VPS54: variants seen among roughly 807,000 people sequenced by gnomAD.
The protein encoded by VPS54 is VPS54 subunit of GARP complex.
Under a neutral mutation model 121.5 loss-of-function variants are expected in VPS54, and 45 were observed. The observed-to-expected ratio is 0.37, with a 90% CI of 0.29 to 0.47. The LOEUF is 0.47. Among genes scored for constraint, VPS54 ranks in the 20% least tolerant of loss-of-function variants. VPS54 has a pLI of 0.99. For missense variants in VPS54, 1,090 were observed against 1,131.4 expected, an observed-to-expected ratio of 0.96 and a Z score of 0.52; for synonymous variants, 371 against 385.8, an observed-to-expected ratio of 0.96 and a Z score of 0.45.
chr2:63,919,490 G>C (rs963403476), intron 15 of VPS54, among the ~76,000 whole-genome samples: 1 of 152,072 alleles, frequency 6.6e-6, no homozygotes, highest in African/African-American at 2.4e-5. Context: ...ATACGGTATA[G>C]TAGCTAAGAA....
intron 18 of VPS54, 84 bp from the exon 19 acceptor site, chr2:63,912,745 T>TA (rs1199511915): frequency 2.7e-6 from 4 of 1,470,318 alleles, no homozygotes; most frequent in Non-Finnish European, 3.6e-6. Flanking sequence ...TCAAATCAAA[T>TA]AAAAAACATC....
intron 2 of VPS54, among the ~76,000 whole-genome samples, chr2:63,983,536 G>A (rs1353378446): frequency 6.9e-6 from 1 of 145,526 alleles, no homozygotes; most frequent in Non-Finnish European, 1.5e-5. Context: ...TCCACCTCCT[G>A]AGTTCACAGC....
At chr2:63,974,875 A>G in intron 3 of VPS54, 1 of 1,213,592 alleles carries the variant, frequency 8.2e-7, no homozygotes, top group Non-Finnish European at 1.1e-6. Context: ...TTTCATCTGG[A>G]AACAGTTTTA....
chr2:63,892,483 G>A lies in VPS54; in HGVS notation c.*947C>T, dbSNP rs1672261782. On this transcript the variant is annotated 3_prime_UTR_variant, in exon 23 of 23. Coordinates refer to ENST00000272322, the MANE Select transcript of VPS54 (RefSeq NM_016516.3). ...AAAGTTCTGTTTCTCCCTGGTCTTT[G>A]TTCGTATACACATCGAAAGTAACTT... is the stretch of plus-strand genomic sequence containing the variant. 1 of 152,474 alleles carries A rather than the reference G, an allele frequency of 6.6e-6. No individual in the cohort carries two copies. The highest frequency in any genetic ancestry group is 1.5e-5 in the Non-Finnish European group (1 of 68,006). The allele number at this position is 152,474 out of a possible 1,614,324, so 9.4% of individuals were successfully genotyped here.
intron 1 of VPS54, among the ~76,000 whole-genome samples, chr2:63,991,148 A>C (rs1677298357): frequency 6.6e-6 from 1 of 152,172 alleles, no homozygotes; most frequent in Admixed American, 6.5e-5. Flanking sequence ...CAAGTAACAA[A>C]GGTGTGTATG....
intron 21 of VPS54, among the ~76,000 whole-genome samples, chr2:63,899,170 C>T (rs556747101): frequency 6.6e-6 from 1 of 152,262 alleles, no homozygotes; most frequent in South Asian, 2.1e-4. Flanking sequence ...TCTAATTTTC[C>T]AAGAACAGCG....
intron 1 of VPS54, among the ~76,000 whole-genome samples, chr2:64,017,788 T>C (rs1419407990): frequency 6.6e-6 from 1 of 152,224 alleles, no homozygotes; most frequent in Non-Finnish European, 1.5e-5. Context: ...TACAATAAAA[T>C]CGCAAACATC....
At chr2:63,969,155 A>T (rs763444432) in intron 4 of VPS54, among the ~76,000 whole-genome samples, 164 bp from the exon 5 acceptor site, 2 of 152,240 alleles carry the variant, frequency 1.3e-5, no homozygotes, top group African/African-American at 4.8e-5. Flanking sequence ...GCCTAGTAGT[A>T]GGCAAAGCGC....
At chr2:63,920,018 G>T in intron 14 of VPS54, 23 bp from the exon 15 acceptor site, 1 of 1,579,812 alleles carries the variant, frequency 6.3e-7, no homozygotes, top group African/African-American at 1.4e-5. Context: ...AAGGAGAAAA[G>T]AAGGTAAACT....
At chr2:63,907,871 C>T (rs1050411438) in intron 20 of VPS54, among the ~76,000 whole-genome samples, 5 of 152,146 alleles carry the variant, frequency 3.3e-5, no homozygotes, top group Non-Finnish European at 5.9e-5. Context: ...ATGAGTATCA[C>T]TCCATACACA....
At chr2:63,933,033 CA>C (rs1205657640) in intron 12 of VPS54, among the ~76,000 whole-genome samples, 1 of 151,856 alleles carries the variant, frequency 6.6e-6, no homozygotes, top group Non-Finnish European at 1.5e-5. Context: ...GAGATAAAGA[CA>C]AAAGGAGACA....
chr2:63,990,426 A>C (rs1445903923), intron 1 of VPS54, among the ~76,000 whole-genome samples: 1 of 151,966 alleles, frequency 6.6e-6, no homozygotes, highest in Non-Finnish European at 1.5e-5. Context: ...TTTACCTATA[A>C]TTCTTCAGGC....
At chr2:63,968,660 A>C (rs1676125269) in intron 5 of VPS54, among the ~76,000 whole-genome samples, 1 of 152,216 alleles carries the variant, frequency 6.6e-6, no homozygotes, top group South Asian at 2.1e-4. Context: ...CGGAGGTTAC[A>C]GTGAACTGAG....
intron 1 of VPS54, among the ~76,000 whole-genome samples, chr2:63,994,853 A>G (rs536214707): frequency 6.6e-6 from 1 of 152,352 alleles, no homozygotes; most frequent in African/African-American, 2.4e-5. Flanking sequence ...ATGGTTTAGT[A>G]ATAGACTGGG....
At chr2:63,978,125 G>A (rs914775680) in intron 3 of VPS54, among the ~76,000 whole-genome samples, 1 of 152,222 alleles carries the variant, frequency 6.6e-6, no homozygotes, top group Admixed American at 6.5e-5. Flanking sequence ...GACCTTCACA[G>A]GTGCTTCTCA....
chr2:63,970,576 T>C (rs1261926156), intron 4 of VPS54, among the ~76,000 whole-genome samples: 4 of 152,158 alleles, frequency 2.6e-5, no homozygotes, highest in Non-Finnish European at 5.9e-5. Flanking sequence ...TAAGATCTCC[T>C]GATTGCCAAA....
chr2:63,912,732 A>C, intron 18 of VPS54, 71 bp from the exon 19 acceptor site: 2 of 1,495,992 alleles, frequency 1.3e-6, no homozygotes, highest in Non-Finnish European at 1.8e-6. Flanking sequence ...TTTTAATTAC[A>C]AATCAAATCA....
intron 1 of VPS54, among the ~76,000 whole-genome samples, chr2:64,017,168 C>T (rs1460614041): frequency 6.6e-6 from 1 of 151,488 alleles, no homozygotes; most frequent in Non-Finnish European, 1.5e-5. Flanking sequence ...GGTGAAACCC[C>T]CGTCTCTACT....
At chr2:64,010,259 A>C (rs1489493516) in intron 1 of VPS54, among the ~76,000 whole-genome samples, 1 of 152,204 alleles carries the variant, frequency 6.6e-6, no homozygotes, top group Non-Finnish European at 1.5e-5. Context: ...TTTTTGACAT[A>C]ATTTTGATAC....
Sources: allele counts gnomAD v4.1 joint callset (sites outside exome capture counted in the v4.1 genomes callset), GRCh38; gene constraint gnomAD v4.1.1; transcripts MANE v1.5; gene names NCBI Gene and HGNC (gene_info 2026-07-23, HGNC 2026-07-21).